GRTP1: variants seen among roughly 807,000 people sequenced by gnomAD.
GRTP1 encodes growth hormone regulated TBC protein 1, also known as growth hormone-regulated TBC protein 1.
In GRTP1, 56 loss-of-function variants were observed where a neutral mutation model predicts 38.1. That is an observed-to-expected ratio of 1.47 (90% confidence interval 1.19 to 1.84). The LOEUF (loss-of-function observed/expected upper bound fraction) is 1.84. Among genes scored for constraint, GRTP1 ranks in the 40% most tolerant of loss-of-function variants. The pLI is 0.00. For synonymous variants in GRTP1, 217 were observed against 189.5 expected, an observed-to-expected ratio of 1.14 and a Z score of -1.19; for missense variants, 506 against 453.9, an observed-to-expected ratio of 1.11 and a Z score of -1.04.
intron 3 of GRTP1, 137 bp from the exon 4 acceptor site, chr13:113,351,110 T>G: frequency 9.3e-7 from 1 of 1,079,038 alleles, no homozygotes; most frequent in Non-Finnish European, 1.4e-6. Context: ...CACAGCAGAC[T>G]CAACACAGCC....
chr13:113,350,064 G>A lies in GRTP1; in HGVS notation c.465+785C>T, dbSNP rs558299324. Among the ~76,000 whole-genome samples, 10 of 152,202 alleles carry A rather than the reference G, an allele frequency of 6.6e-5. No individual in the cohort carries two copies. In the East Asian group the frequency reaches 1.5e-3, roughly 24 times the overall value. On this transcript the variant is annotated intron_variant, in intron 4 of 7. Transcript: ENST00000375431. ...ACTCACAGGCAGTCACGGGCTGTGC[G>A]CACACCTGGAAACCCTCGTGGAGGC... is the stretch of plus-strand genomic sequence containing the variant.
intron 5 of GRTP1, among the ~76,000 whole-genome samples, chr13:113,333,110 G>T (rs759626735): frequency 6.6e-6 from 1 of 152,218 alleles, no homozygotes; most frequent in Non-Finnish European, 1.5e-5. Context: ...AAATTTCGAG[G>T]AGAGGGGCCC....
chr13:113,330,255 A>G (rs1294949764), intron 5 of GRTP1, among the ~76,000 whole-genome samples: 20 of 115,748 alleles, frequency 1.7e-4, no homozygotes, highest in South Asian at 6.0e-4. Flanking sequence ...ATGGAAACCC[A>G]GGTGTGTGCA....
chr13:113,355,350 G>C lies in GRTP1; in HGVS notation c.313C>G (p.Pro105Ala), dbSNP rs758326127. The stretch of plus-strand genomic sequence containing the variant: ...GTCCTGATGGCGTCCTCCAGCCTGG[G>C]GTTTCTCTCTCCCTGGAGAAGCTGG... ...YHQLLQGERN[P>A]RLEDAIRTDL... is the part of the protein sequence containing the mutation. The change falls in exon 3 of 8, where the codon CCC becomes GCC. Residue 105 changes from proline (P) to alanine (A), a missense_variant. Physicochemically the swap from Pro to Ala is conservative, Grantham distance 27. Coordinates refer to ENST00000375431, the MANE Select transcript of GRTP1 (RefSeq NM_024719.4). 6.2e-7 allele frequency: 1 copy of C among 1,614,120 alleles called. No homozygotes were observed. The highest frequency in any genetic ancestry group is 8.5e-7 in the Non-Finnish European group (1 of 1,180,002).
chr13:113,351,073 CT>C, intron 3 of GRTP1, 100 bp from the exon 4 acceptor site: 2 of 1,505,370 alleles, frequency 1.3e-6, no homozygotes, highest in Non-Finnish European at 1.8e-6. Context: ...CCACTTGGGA[CT>C]TACGGACTGG....
Position 113,325,729 on chromosome 13 carries a change from C to T in GRTP1, c.853G>A (p.Asp285Asn), listed in dbSNP as rs1359198206. The T allele has an allele frequency of 6.2e-7, 1 of 1,614,114 alleles. No homozygotes were observed. The highest frequency in any genetic ancestry group is 2.2e-5 in the East Asian group (1 of 44,896). ...ATCTGCTTAAACTTATCGCAAATGT[C>T]TGGAACGCTGGTGGCTTCCAAAATC... ...ELILEATSVP[D>N]ICDKFKQITK... Residue 285 changes from aspartate to asparagine, a missense_variant, in exon 7 of 8, where the codon GAC (aspartate) becomes AAC (asparagine). Coordinates refer to ENST00000375431, the MANE Select transcript of GRTP1 (RefSeq NM_024719.4).
At chr13:113,359,324 C>T (rs953180088) in intron 2 of GRTP1, among the ~76,000 whole-genome samples, 2 of 152,176 alleles carry the variant, frequency 1.3e-5, no homozygotes, top group African/African-American at 4.8e-5. Flanking sequence ...GAACCATATA[C>T]TGTTAAGAGT....
Position 113,325,598 on chromosome 13 carries a change from C to T in GRTP1, c.921+63G>A, listed in dbSNP as rs749717182. On this transcript the variant is annotated intron_variant, in intron 7 of 7. Transcript: ENST00000375431. The stretch of plus-strand genomic sequence containing the variant: ...CACCCTCCGGGTGGTCAGAGCAGCC[C>T]CCGGGCTGCAGGTGAGGCGGGGCCC... 4 of 1,612,308 alleles carry T rather than the reference C, an allele frequency of 2.5e-6. No individual in the cohort carries two copies. In the South Asian group the frequency reaches 3.3e-5, roughly 13 times the overall value.
At chr13:113,358,386 T>C (rs9549749) in intron 2 of GRTP1, among the ~76,000 whole-genome samples, 21,050 of 152,188 alleles carry the variant, frequency 0.14, 1,626 homozygotes, top group African/African-American at 0.18. Flanking sequence ...TCTTAAGACG[T>C]CAGTTCTTCC....
chr13:113,338,458 C>T (rs1366955751), intron 5 of GRTP1, among the ~76,000 whole-genome samples: 1 of 152,136 alleles, frequency 6.6e-6, no homozygotes, highest in African/African-American at 2.4e-5. Context: ...ACCAAACAGT[C>T]CGCAACAACA....
At chr13:113,344,587 C>T (rs755801548) in intron 5 of GRTP1, among the ~76,000 whole-genome samples, 1 of 151,930 alleles carries the variant, frequency 6.6e-6, no homozygotes, top group Non-Finnish European at 1.5e-5. Flanking sequence ...GTGGCACACA[C>T]CTACAATCCC....
intron 5 of GRTP1, 149 bp from the exon 6 acceptor site, chr13:113,326,240 T>A (rs2042766717): frequency 5.3e-6 from 5 of 944,758 alleles, no homozygotes; most frequent in Non-Finnish European, 6.2e-6. Context: ...AGAGTCGGGG[T>A]GAGGCCTGCA....
At chr13:113,355,281 GC>G (rs2043362479) in intron 3 of GRTP1, 41 bp downstream of exon 3, 12 of 1,600,236 alleles carry the variant, frequency 7.5e-6, no homozygotes, top group East Asian at 4.5e-5. Context: ...GTTCCTTCCG[GC>G]CCCCGGGCCC....
At chr13:113,340,251 G>A (rs1442644016) in intron 5 of GRTP1, among the ~76,000 whole-genome samples, 6 of 152,064 alleles carry the variant, frequency 3.9e-5, no homozygotes, top group Non-Finnish European at 7.4e-5. Context: ...CAAGGCAGGA[G>A]GACTACTTGA....
At position 113,348,190 on chromosome 13, in the gene GRTP1, G is replaced by A. The variant is rs983871512; in HGVS notation, c.465+2659C>T. Reference sequence around the variant, plus strand: ...AAAAAGCAGAACATAGCCAGGCACAGTGGGGGATCCCAGCACTGTGAGAGG... The same window carrying A: ...AAAAAGCAGAACATAGCCAGGCACAATGGGGGATCCCAGCACTGTGAGAGG... On this transcript the variant is annotated intron_variant, in intron 4 of 7. Coordinates refer to ENST00000375431, the MANE Select transcript of GRTP1 (RefSeq NM_024719.4). This position sits in a 1 kb window ranked among gnomAD's most constrained non-coding sequence, Gnocchi z 4.8. Among the ~76,000 whole-genome samples, 14 of 152,212 alleles carry A rather than the reference G, an allele frequency of 9.2e-5. No homozygotes were observed. The highest frequency in any genetic ancestry group is 3.1e-4 in the African/African-American group (13 of 41,462).
In GRTP1 at chr13:113,348,639, C is replaced by A. The variant is rs967562868; in HGVS notation, c.465+2210G>T. ...ATCCAAGCCTGGTGTCCTTGTCTTACGTGGAGCTTTAGACACAGGCATGCA... is the reference window on the plus strand; with the variant it reads ...ATCCAAGCCTGGTGTCCTTGTCTTAAGTGGAGCTTTAGACACAGGCATGCA... On this transcript the variant is annotated intron_variant, in intron 4 of 7. Coordinates refer to ENST00000375431, the MANE Select transcript of GRTP1 (RefSeq NM_024719.4). This position sits in a 1 kb window ranked among gnomAD's most constrained non-coding sequence, Gnocchi z 4.8. Among the ~76,000 whole-genome samples, 1 of 152,074 alleles carries A rather than the reference C, an allele frequency of 6.6e-6. No homozygotes were observed. Among genetic ancestry groups the A allele is most frequent in the Non-Finnish European group, 1.5e-5 (1 of 68,030 alleles).
At chr13:113,361,190 G>A (rs1380083306) in intron 2 of GRTP1, among the ~76,000 whole-genome samples, 2 of 116,598 alleles carry the variant, frequency 1.7e-5, no homozygotes, top group Non-Finnish European at 3.4e-5. Flanking sequence ...TTTTTAGAAA[G>A]AGTTGATAGA....
intron 5 of GRTP1, among the ~76,000 whole-genome samples, chr13:113,341,415 C>T (rs113712856): frequency 1.2e-4 from 18 of 152,214 alleles, no homozygotes; most frequent in African/African-American, 4.1e-4. Flanking sequence ...TACAGGCACC[C>T]GCCACCACGC....
chr13:113,356,634 TGCAATTTGTAAAA>T (rs2043392539), intron 2 of GRTP1, among the ~76,000 whole-genome samples: 1 of 152,214 alleles, frequency 6.6e-6, no homozygotes, highest in Non-Finnish European at 1.5e-5. Flanking sequence ...AGAAGGCATA[TGCAATTTGTAAAA>T]TTCTATAAGC....
Sources: allele counts gnomAD v4.1 joint callset (sites outside exome capture counted in the v4.1 genomes callset), GRCh38; gene constraint gnomAD v4.1.1; non-coding constraint Gnocchi (gnomAD v3.1); transcripts MANE v1.5; gene names NCBI Gene and HGNC (gene_info 2026-07-23, HGNC 2026-07-21).